The following ROR2 variants were observed in gnomAD, a reference collection of about 807,000 sequenced individuals.
ROR2 encodes ROR family WNT receptor 2.
ROR2 carries 33 observed loss-of-function variants against 74.9 expected under a neutral mutation model. The ratio of observed to expected loss-of-function variants is 0.44; its 90% CI spans 0.33 to 0.59. ROR2 has a LOEUF of 0.59. Ranked by LOEUF, ROR2 falls within the 20% of genes least tolerant of loss-of-function variation. The probability of loss-of-function intolerance (pLI) is 0.02; values close to 1 mark genes in which losing one functional copy is unlikely to be tolerated. For missense variants in ROR2, 1,216 were observed against 1,313.8 expected (o/e 0.93, Z 1.15); for synonymous variants, 586 against 558.7 (o/e 1.05, Z -0.69).
At chr9:91,734,637 T>G (rs1219928717) in intron 5 of ROR2, among the ~76,000 whole-genome samples, 1 of 152,154 alleles carries the variant, frequency 6.6e-6, no homozygotes, top group Non-Finnish European at 1.5e-5. Flanking sequence ...GGAACAGCCT[T>G]GTGCGTGATC....
At chr9:91,949,776 C>T in intron 1 of ROR2, 91 bp downstream of exon 1, 1 of 847,524 alleles carries the variant, frequency 1.2e-6, no homozygotes, top group Non-Finnish European at 1.9e-6. Context: ...TGGGCGCCGG[C>T]GCAGCGGCCG....
At chr9:91,924,885 T>C (rs557952384) in intron 1 of ROR2, among the ~76,000 whole-genome samples, 39 of 152,266 alleles carry the variant, frequency 2.6e-4, no homozygotes, top group African/African-American at 9.4e-4. Flanking sequence ...AGCTCTGTCA[T>C]ACATGCTGGA....
At chr9:91,899,896 T>C (rs1247961610) in intron 1 of ROR2, among the ~76,000 whole-genome samples, 1 of 152,068 alleles carries the variant, frequency 6.6e-6, no homozygotes, top group Admixed American at 6.5e-5. Context: ...ACACATTACA[T>C]ATGCAACACA....
chr9:91,929,234 G>C (rs1421314293), intron 1 of ROR2, among the ~76,000 whole-genome samples: 1 of 152,212 alleles, frequency 6.6e-6, no homozygotes, highest in Non-Finnish European at 1.5e-5. Flanking sequence ...TGTAAAACAG[G>C]CTGCACCAGT....
intron 4 of ROR2, among the ~76,000 whole-genome samples, chr9:91,746,594 G>T (rs986360681): frequency 6.6e-5 from 10 of 152,114 alleles, no homozygotes; most frequent in African/African-American, 2.4e-4. Flanking sequence ...TTGGCGAGAG[G>T]TGCCTTCAAA....
chr9:91,945,288 T>C (rs1179743415), intron 1 of ROR2, among the ~76,000 whole-genome samples: 1 of 152,206 alleles, frequency 6.6e-6, no homozygotes, highest in East Asian at 1.9e-4. Context: ...GGCTACTATA[T>C]TCCACAGCAC....
At chr9:91,766,755 G>T (rs1038888780) in intron 2 of ROR2, among the ~76,000 whole-genome samples, 2 of 152,172 alleles carry the variant, frequency 1.3e-5, no homozygotes, top group African/African-American at 4.8e-5. Context: ...GAAACAATTT[G>T]CCAGGCCAAA....
intron 4 of ROR2, among the ~76,000 whole-genome samples, chr9:91,741,304 GTAA>G (rs149995684): frequency 0.34 from 45,328 of 135,170 alleles, 7,873 homozygotes; most frequent in Non-Finnish European, 0.39. Flanking sequence ...GTCTCAAGTA[GTAA>G]TAATAATAAT....
chr9:91,909,529 T>C (rs1461785468), intron 1 of ROR2, among the ~76,000 whole-genome samples: 1 of 149,972 alleles, frequency 6.7e-6, no homozygotes, highest in Non-Finnish European at 1.5e-5. Flanking sequence ...TTTTTTTTTT[T>C]TTGGTAGAGA....
chr9:91,916,274 C>G (rs1372859145), intron 1 of ROR2, among the ~76,000 whole-genome samples: 1 of 152,228 alleles, frequency 6.6e-6, no homozygotes, highest in Non-Finnish European at 1.5e-5. Context: ...ATTAGAAATT[C>G]TAAGTCATGG....
intron 1 of ROR2, among the ~76,000 whole-genome samples, chr9:91,885,311 T>TG (rs1222166782): frequency 8.8e-4 from 128 of 144,894 alleles, no homozygotes; most frequent in African/African-American, 1.8e-3. Flanking sequence ...CTTTGGGGGT[T>TG]GGGGGGCGGT....
chr9:91,800,915 G>A (rs1243220072), intron 1 of ROR2, among the ~76,000 whole-genome samples: 1 of 152,188 alleles, frequency 6.6e-6, no homozygotes, highest in Non-Finnish European at 1.5e-5. Flanking sequence ...CATGTAAAAA[G>A]TGGATGAGGA....
rs1836934356 is a variant in ROR2 at position 91,724,487 on chromosome 9, G to C, written c.2007C>G (p.Phe669Leu). ...MAPEAIMYGK[F>L]SIDSDIWSYG... is the part of the protein sequence containing the mutation. ...AGGACCAGATGTCTGAGTCGATGGAGAACTTGCCGTACATGATGGCCTCTG... is the reference window on the plus strand; with the variant it reads ...AGGACCAGATGTCTGAGTCGATGGACAACTTGCCGTACATGATGGCCTCTG... Residue 669 changes from phenylalanine (F) to leucine (L), a missense_variant, in exon 9 of 9, where the codon TTC becomes TTG. Transcript: ENST00000375708. 1 of 1,614,252 alleles carries C rather than the reference G, an allele frequency of 6.2e-7. No homozygotes were observed. Among genetic ancestry groups the C allele is most frequent in the East Asian group, 2.2e-5 (1 of 44,882 alleles).
intron 2 of ROR2, among the ~76,000 whole-genome samples, chr9:91,772,397 T>C (rs1826260761): frequency 6.6e-6 from 1 of 152,116 alleles, no homozygotes; most frequent in Admixed American, 6.5e-5. Context: ...ATGCTGGGGG[T>C]GCTCCCATCT....
chr9:91,751,137 G>A (rs1208532120), intron 4 of ROR2, among the ~76,000 whole-genome samples: 1 of 152,114 alleles, frequency 6.6e-6, no homozygotes, highest in Non-Finnish European at 1.5e-5. Flanking sequence ...CACCCATAGG[G>A]ACAAAGAGAC....
intron 1 of ROR2, among the ~76,000 whole-genome samples, chr9:91,802,807 A>G (rs1827430495): frequency 6.6e-6 from 1 of 152,172 alleles, no homozygotes; most frequent in Admixed American, 6.5e-5. Context: ...GAACCACCAC[A>G]CTATGACTCC....
intron 1 of ROR2, among the ~76,000 whole-genome samples, chr9:91,860,068 G>A (rs1829424363): frequency 2.0e-5 from 3 of 152,184 alleles, no homozygotes; most frequent in African/African-American, 7.2e-5. Context: ...GGGGACCCCA[G>A]TTGGCATGGT....
intron 1 of ROR2, among the ~76,000 whole-genome samples, chr9:91,788,631 G>A (rs932287404): frequency 1.6e-4 from 24 of 152,242 alleles, no homozygotes; most frequent in African/African-American, 4.1e-4. Flanking sequence ...TCGGGAGGCC[G>A]AGGTGGGCAG....
chr9:91,946,447 T>A (rs1385839158), intron 1 of ROR2, among the ~76,000 whole-genome samples: 1 of 152,086 alleles, frequency 6.6e-6, no homozygotes, highest in Non-Finnish European at 1.5e-5. Flanking sequence ...AAGACGCTGA[T>A]GGGGTGTGGA....
Sources: gnomAD v4.1 joint callset for allele counts (sites outside exome capture counted in the v4.1 genomes callset) on GRCh38, gnomAD v4.1.1 for gene constraint, MANE v1.5 for transcripts, NCBI Gene and HGNC (gene_info 2026-07-23, HGNC 2026-07-21) for gene names.